The following FAT4 variants were observed in gnomAD, a reference collection of about 807,000 sequenced individuals.
FAT4 encodes the protein protocadherin Fat 4.
FAT4 carries 84 observed loss-of-function variants against 303.9 expected under a neutral mutation model. The ratio of observed to expected loss-of-function variants is 0.28; its 90% CI spans 0.23 to 0.33. The LOEUF (loss-of-function observed/expected upper bound fraction) is 0.33. FAT4 is among the 10% of genes least tolerant of loss of function. The pLI, the probability that FAT4 is intolerant of heterozygous loss-of-function variation, is 1.00. For synonymous variants in FAT4, 2,307 were observed against 2,298.8 expected (o/e 1.00, Z -0.10); for missense variants, 6,005 against 6,146.8 (o/e 0.98, Z 0.77).
At chr4:125,380,947 GC>G (rs1733513493) in intron 2 of FAT4, among the ~76,000 whole-genome samples, 1 of 151,954 alleles carries the variant, frequency 6.6e-6, no homozygotes, top group African/African-American at 2.4e-5. Context: ...AATAAACTTG[GC>G]TTTATATTAC....
Position 125,490,749 on chromosome 4 carries a change from C to T in FAT4, c.13933C>T (p.Arg4645Cys), listed in dbSNP as rs181607904. 1.5e-5 allele frequency: 24 copies of T among 1,614,080 alleles called. No homozygotes were observed. Among genetic ancestry groups the T allele is most frequent in the East Asian group, 8.9e-5 (4 of 44,838 alleles). ...CATCATTCAACACTACAAGCAGTTC[C>T]GCAGCCACACACCAAAATTTTCAAT... ...ADIIQHYKQF[R>C]SHTPKFSIQR... is the part of the protein sequence containing the mutation. The change falls in exon 18 of 18, where the codon CGC becomes TGC. Residue 4645 changes from arginine (R) to cysteine (C), a missense_variant. By Grantham distance (180) the Arg-to-Cys change is radical (BLOSUM62 -3). Transcript: ENST00000394329.
chr4:125,317,754 C>T lies in FAT4; in HGVS notation c.1343C>T (p.Pro448Leu), dbSNP rs1252414216. ...GTCTCTGATAACTACGGGGCGCCCCCTGGCGCAGCAGTCCAGGCGCGCTCT... is the reference window on the plus strand; with the variant it reads ...GTCTCTGATAACTACGGGGCGCCCCTTGGCGCAGCAGTCCAGGCGCGCTCT... ...VSVSDNYGAPPGAAVQARSSV... is the reference protein window; with the variant it reads ...VSVSDNYGAPLGAAVQARSSV... Residue 448 changes from proline to leucine, a missense_variant, in exon 2 of 18, where the codon CCT (proline) becomes CTT (leucine). Pro to Leu is a moderately conservative substitution (Grantham distance 98, BLOSUM62 -3). Transcript: ENST00000394329. The surrounding 1 kb of genome is among the most constrained non-coding windows in gnomAD (Gnocchi z 7.0). The T allele has an allele frequency of 1.2e-6, 2 of 1,614,160 alleles. No homozygotes were observed. The highest frequency in any genetic ancestry group is 1.3e-5 in the African/African-American group (1 of 75,066).
Position 125,414,762 on chromosome 4 carries a change from C to T in FAT4, c.5921-122C>T, listed in dbSNP as rs72914914. The T allele has an allele frequency of 3.1e-3, 1,971 of 639,300 alleles. 37 individuals are homozygous for T. The African/African-American group carries it at 0.032, about 10-fold the overall frequency. The allele number at this position is 639,300 out of a possible 1,614,324, so 39.6% of individuals were successfully genotyped here. On this transcript the variant is annotated intron_variant, in intron 5 of 17. Transcript: ENST00000394329. Reference sequence around the variant, plus strand: ...TATAGATCATTTGTTCACAGGATTTCCTAAAGTGTGTTTGGATGCACGGCA... The same window carrying T: ...TATAGATCATTTGTTCACAGGATTTTCTAAAGTGTGTTTGGATGCACGGCA...
chr4:125,486,503 A>T (rs762858604), intron 16 of FAT4, among the ~76,000 whole-genome samples: 18 of 152,172 alleles, frequency 1.2e-4, no homozygotes, highest in Non-Finnish European at 1.5e-4. Flanking sequence ...GTGCCACTGC[A>T]TCCCCCTGCC....
chr4:125,410,344 A>C (rs1734794339), intron 5 of FAT4, among the ~76,000 whole-genome samples: 1 of 152,116 alleles, frequency 6.6e-6, no homozygotes, highest in South Asian at 2.1e-4. Flanking sequence ...TTTTGCATGT[A>C]CCCAGTCCTG....
chr4:125,427,743 G>C (rs543993118), intron 7 of FAT4, among the ~76,000 whole-genome samples: 142 of 152,074 alleles, frequency 9.3e-4, no homozygotes, highest in African/African-American at 3.4e-3. Flanking sequence ...GCTAGTCAGG[G>C]GACCCATTTA....
chr4:125,392,890 A>G (rs1385446658), intron 2 of FAT4, among the ~76,000 whole-genome samples: 5 of 152,118 alleles, frequency 3.3e-5, no homozygotes, highest in Non-Finnish European at 7.4e-5. Context: ...GGCTGTCTCC[A>G]CTACTCTGGA....
intron 8 of FAT4, among the ~76,000 whole-genome samples, chr4:125,435,355 A>T (rs1186182581): frequency 6.6e-6 from 1 of 152,148 alleles, no homozygotes; most frequent in Non-Finnish European, 1.5e-5. Flanking sequence ...CACTTTCTAT[A>T]GGCTGGTATT....
At chr4:125,440,608 TGTGA>T (rs1329496352) in intron 8 of FAT4, among the ~76,000 whole-genome samples, 9 of 57,326 alleles carry the variant, frequency 1.6e-4, no homozygotes, top group Non-Finnish European at 2.9e-4. Flanking sequence ...TGTGTGTGTG[TGTGA>T]GAGAGAGAGA....
In FAT4 at chr4:125,406,500, A is replaced by G. The variant is rs372593972; in HGVS notation, c.5308-380A>G. Among the ~76,000 whole-genome samples the G allele has an allele frequency of 3.7e-4, 57 of 152,296 alleles. No homozygotes were observed. In the East Asian group the frequency reaches 7.4e-3, roughly 20 times the overall value. On this transcript the variant is annotated intron_variant, in intron 3 of 17. Transcript: ENST00000394329. ...TTAGGCTCCTTTGTGGTTTCGTATG[A>G]ATTTTGGAATTGCTTTACCTATTTG...
chr4:125,345,074 A>G (rs1276538608), intron 2 of FAT4, among the ~76,000 whole-genome samples: 1 of 152,134 alleles, frequency 6.6e-6, no homozygotes, highest in African/African-American at 2.4e-5. Flanking sequence ...TTGAACTGCT[A>G]GTAAAAACAA....
intron 2 of FAT4, among the ~76,000 whole-genome samples, chr4:125,379,930 G>C (rs553632988): frequency 3.0e-4 from 45 of 152,012 alleles, no homozygotes; most frequent in African/African-American, 9.9e-4. Flanking sequence ...TTTTGCTCTT[G>C]TTGCCCAGGC....
At chr4:125,444,212 G>A (rs1388413037) in intron 8 of FAT4, among the ~76,000 whole-genome samples, 1 of 152,156 alleles carries the variant, frequency 6.6e-6, no homozygotes, top group African/African-American at 2.4e-5. Context: ...GAATAGAAGT[G>A]TATTTGGCTC....
At chr4:125,433,490 C>T (rs760013282) in intron 7 of FAT4, among the ~76,000 whole-genome samples, 2 of 152,148 alleles carry the variant, frequency 1.3e-5, no homozygotes, top group African/African-American at 2.4e-5. Flanking sequence ...AGAATTCCAA[C>T]ACATATGGCA....
In FAT4 at chr4:125,449,452, G is replaced by A; in HGVS notation, c.8442G>A (p.Met2814Ile). The A allele has an allele frequency of 6.2e-7, 1 of 1,613,836 alleles. No homozygotes were observed. Residue 2814 changes from methionine to isoleucine, a missense_variant, in exon 10 of 18, where the codon ATG (methionine) becomes ATA (isoleucine). Physicochemically the swap from Met to Ile is conservative, Grantham distance 10. Coordinates refer to ENST00000394329, the MANE Select transcript of FAT4 (RefSeq NM_001291303.3). ...GINAISRYSI[M>I]DASLPFTINP... ...ATGCAATTAGTAGATATTCTATAAT[G>A]GATGCAAGTCTTCCATTTACAATTA... is the stretch of plus-strand genomic sequence containing the variant.
intron 8 of FAT4, 133 bp from the exon 9 acceptor site, chr4:125,446,160 T>G (rs1725818596): frequency 2.7e-6 from 2 of 733,528 alleles, no homozygotes; most frequent in African/African-American, 3.6e-5. Context: ...CTAGTTGTAT[T>G]CTTTCCAACA....
At chr4:125,389,393 A>G (rs1039590799) in intron 2 of FAT4, among the ~76,000 whole-genome samples, 2 of 152,176 alleles carry the variant, frequency 1.3e-5, no homozygotes, top group Non-Finnish European at 2.9e-5. Flanking sequence ...AATGGCCTTT[A>G]GTATGCATGA....
chr4:125,408,551 C>G lies in FAT4; in HGVS notation c.5677C>G (p.Pro1893Ala), dbSNP rs930643971. 10 of 1,612,162 alleles carry G rather than the reference C, an allele frequency of 6.2e-6. No homozygotes were observed. The highest frequency in any genetic ancestry group is 5.0e-5 in the Admixed American group (3 of 59,906). The change falls in exon 5 of 18, where the codon CCT (proline) becomes GCT (alanine). Residue 1893 changes from proline (P) to alanine (A), a missense_variant. By Grantham distance (27) the Pro-to-Ala change is conservative. Coordinates refer to ENST00000394329, the MANE Select transcript of FAT4 (RefSeq NM_001291303.3). ...DDEDGIFFLN[P>A]ITGVFNLTRL... ...TGAAGATGGCATCTTTTTCCTGAAT[C>G]CTATTACTGGGGTCTTTAATTTGAC... is the stretch of plus-strand genomic sequence containing the variant.
chr4:125,468,602 A>G lies in FAT4; in HGVS notation c.11996A>G (p.Tyr3999Cys). The G allele has an allele frequency of 6.2e-7, 1 of 1,614,124 alleles. No individual in the cohort carries two copies. Among genetic ancestry groups the G allele is most frequent in the Non-Finnish European group, 8.5e-7 (1 of 1,180,012 alleles). The change falls in exon 12 of 18, where the codon TAT becomes TGT. Residue 3999 changes from tyrosine to cysteine, a missense_variant. Tyr to Cys is a radical substitution (Grantham distance 194, BLOSUM62 -2). Coordinates refer to ENST00000394329, the MANE Select transcript of FAT4 (RefSeq NM_001291303.3). ...EFPSLDPNNN[Y>C]IYVKFATIKS... ...CCAAGCTTGGACCCCAATAACAACT[A>G]TATTTATGTCAAATTTGCCACGATT...
Sources: allele counts gnomAD v4.1 joint callset (sites outside exome capture counted in the v4.1 genomes callset), GRCh38; gene constraint gnomAD v4.1.1; non-coding constraint Gnocchi (gnomAD v3.1); transcripts MANE v1.5; gene names NCBI Gene and HGNC (gene_info 2026-07-23, HGNC 2026-07-21).